Variants in FANCC observed in about 807,000 individuals in gnomAD.
FANCC encodes the protein Fanconi anemia group C protein.
FANCC carries 55 observed loss-of-function variants against 71.3 expected under a neutral mutation model. That is an observed-to-expected ratio of 0.77 (90% confidence interval 0.62 to 0.97). The LOEUF (loss-of-function observed/expected upper bound fraction) is 0.97. FANCC is among the 50% of genes least tolerant of loss of function. The pLI is 0.00. For synonymous variants in FANCC, 275 were observed against 244.9 expected (o/e 1.12, Z -1.15); for missense variants, 678 against 670.9 (o/e 1.01, Z -0.12).
intron 4 of FANCC, among the ~76,000 whole-genome samples, chr9:95,188,030 C>T (rs1826839355): frequency 6.6e-6 from 1 of 151,272 alleles, no homozygotes; most frequent in Non-Finnish European, 1.5e-5. Flanking sequence ...AGAGATCTGG[C>T]TCATAGTAGG....
At chr9:95,227,342 G>A (rs1829683316) in intron 4 of FANCC, among the ~76,000 whole-genome samples, 1 of 152,174 alleles carries the variant, frequency 6.6e-6, no homozygotes. Flanking sequence ...GCCTCTGGGG[G>A]CTCAGCTCAC....
At chr9:95,263,083 T>C (rs961275115) in intron 1 of FANCC, among the ~76,000 whole-genome samples, 2 of 152,208 alleles carry the variant, frequency 1.3e-5, no homozygotes, top group Non-Finnish European at 2.9e-5. Flanking sequence ...GTGGTTAAGA[T>C]GGTTACAATC....
intron 6 of FANCC, among the ~76,000 whole-genome samples, chr9:95,159,878 G>A (rs1195590735): frequency 3.9e-5 from 6 of 152,142 alleles, no homozygotes; most frequent in African/African-American, 1.4e-4. Context: ...GGGGTTGTTT[G>A]TTTTCTTCTT....
intron 8 of FANCC, among the ~76,000 whole-genome samples, chr9:95,131,092 CACAA>C (rs1564673716): frequency 1.3e-5 from 2 of 152,192 alleles, no homozygotes; most frequent in African/African-American, 2.4e-5. Flanking sequence ...GTTGTTTATA[CACAA>C]ACAATTTTTT....
intron 1 of FANCC, among the ~76,000 whole-genome samples, chr9:95,280,621 A>G (rs1188066080): frequency 6.6e-6 from 1 of 152,206 alleles, no homozygotes; most frequent in Non-Finnish European, 1.5e-5. Flanking sequence ...GTTTCAAAGG[A>G]AATTCACAAA....
intron 6 of FANCC, among the ~76,000 whole-genome samples, chr9:95,168,656 G>A (rs992837264): frequency 1.3e-5 from 2 of 152,120 alleles, no homozygotes; most frequent in Non-Finnish European, 2.9e-5. Flanking sequence ...TCAGCCTCCC[G>A]AGTAGCTGGG....
intron 11 of FANCC, among the ~76,000 whole-genome samples, 167 bp downstream of exon 11, chr9:95,117,148 A>G (rs956706510): frequency 6.6e-6 from 1 of 152,166 alleles, no homozygotes; most frequent in African/African-American, 2.4e-5. Context: ...GCAGACTCTC[A>G]TATCAAAATC....
chr9:95,217,327 T>TA (rs1828930794), intron 4 of FANCC, among the ~76,000 whole-genome samples: 1 of 151,700 alleles, frequency 6.6e-6, no homozygotes, highest in African/African-American at 2.4e-5. Flanking sequence ...CTACCAAAAA[T>TA]ACAAAACATT....
In FANCC at chr9:95,240,658, G is replaced by A. The variant is rs1057521125; in HGVS notation, c.336C>T (p.Ser112=). 10 of 1,603,324 alleles carry A rather than the reference G, an allele frequency of 6.2e-6. No individual in the cohort carries two copies. The highest frequency in any genetic ancestry group is 1.1e-5 in the South Asian group (1 of 90,832). ...PQNSGQSKLN[S]WIQGVLSHIL... ...AGATTTACTCTCTTACCTGTATCCA[G>A]GAGTTAAGTTTTGATTGTCCAGAAT... Residue 112 remains serine, a synonymous_variant, in exon 4 of 15, where the codon TCC becomes TCT. Coordinates refer to ENST00000289081, the MANE Select transcript of FANCC (RefSeq NM_000136.3).
chr9:95,247,887 A>T (rs539261635), intron 2 of FANCC, among the ~76,000 whole-genome samples: 17 of 152,194 alleles, frequency 1.1e-4, no homozygotes, highest in Non-Finnish European at 2.4e-4. Context: ...ATAATCCCGT[A>T]TCTTTATCCT....
At chr9:95,171,247 C>T (rs1564719459) in intron 5 of FANCC, 104 bp from the exon 6 acceptor site, 2 of 830,498 alleles carry the variant, frequency 2.4e-6, no homozygotes, top group Non-Finnish European at 4.1e-6. Flanking sequence ...TTCCCCCAAC[C>T]CCCATCTTCT....
At chr9:95,163,089 T>A (rs1475180594) in intron 6 of FANCC, among the ~76,000 whole-genome samples, 4 of 152,234 alleles carry the variant, frequency 2.6e-5, no homozygotes, top group Admixed American at 2.6e-4. Flanking sequence ...AGGTCTTTCA[T>A]CTATTTTGAG....
chr9:95,195,101 G>C (rs758034242), intron 4 of FANCC, among the ~76,000 whole-genome samples: 5 of 150,294 alleles, frequency 3.3e-5, no homozygotes, highest in African/African-American at 4.9e-5. Flanking sequence ...GGGAGGCTGA[G>C]GCAAGAGAAT....
chr9:95,261,214 A>G (rs1054108309), intron 1 of FANCC, among the ~76,000 whole-genome samples: 15 of 152,312 alleles, frequency 9.8e-5, no homozygotes, highest in African/African-American at 3.4e-4. Flanking sequence ...CTTCAGATTT[A>G]TGGTAATTTC....
Position 95,291,000 on chromosome 9 carries a change from C to T in FANCC, c.-79+26526G>A, listed in dbSNP as rs117565206. ...AATCATATGATCATCTCAATAGATG[C>T]AGAAAGAGCATTTGACAAAATTCGA... is the stretch of plus-strand genomic sequence containing the variant. On this transcript the variant is annotated intron_variant, in intron 1 of 14. Coordinates refer to ENST00000289081, the MANE Select transcript of FANCC (RefSeq NM_000136.3). Among the ~76,000 whole-genome samples the T allele has an allele frequency of 9.9e-5, 15 of 152,170 alleles. No homozygotes were observed. In the East Asian group the frequency reaches 2.7e-3, roughly 27 times the overall value.
intron 1 of FANCC, among the ~76,000 whole-genome samples, chr9:95,270,513 A>G (rs1339955175): frequency 6.6e-6 from 1 of 152,242 alleles, no homozygotes; most frequent in Non-Finnish European, 1.5e-5. Context: ...AAAAATTCCA[A>G]TCCTGATTCT....
At chr9:95,239,580 ATT>A (rs1830516071) in intron 4 of FANCC, among the ~76,000 whole-genome samples, 2 of 152,238 alleles carry the variant, frequency 1.3e-5, no homozygotes, top group African/African-American at 4.8e-5. Context: ...TAAATATGTC[ATT>A]TTGTTTCTTC....
intron 7 of FANCC, among the ~76,000 whole-genome samples, chr9:95,142,706 T>C (rs1828947234): frequency 6.6e-6 from 1 of 152,180 alleles, no homozygotes; most frequent in African/African-American, 2.4e-5. Context: ...CTCTCAGAAG[T>C]GGCATGGTCT....
At chr9:95,240,852 C>T (rs1284752365) in intron 3 of FANCC, 109 bp from the exon 4 acceptor site, 1 of 706,596 alleles carries the variant, frequency 1.4e-6, no homozygotes, top group African/African-American at 1.8e-5. Context: ...GTTCACAGAA[C>T]AAGTATCCCT....
Sources: allele counts gnomAD v4.1 joint callset (sites outside exome capture counted in the v4.1 genomes callset), GRCh38; gene constraint gnomAD v4.1.1; transcripts MANE v1.5; gene names NCBI Gene and HGNC (gene_info 2026-07-23, HGNC 2026-07-21).